The following SFRP1 variants were observed in gnomAD, a reference collection of about 807,000 sequenced individuals.
SFRP1 encodes secreted frizzled-related protein 1.
SFRP1 carries 9 observed loss-of-function variants against 25.9 expected under a neutral mutation model. The observed-to-expected ratio is 0.35, with a 90% CI of 0.21 to 0.61. SFRP1 has a LOEUF of 0.61. Among genes scored for constraint, SFRP1 ranks in the 20% least tolerant of loss-of-function variants. The pLI is 0.78. For missense variants in SFRP1, 346 were observed against 418.2 expected (o/e 0.83, Z 1.51); for synonymous variants, 178 against 174.0 (o/e 1.02, Z -0.18).
chr8:41,309,011 C>T lies in SFRP1; in HGVS notation c.149G>A (p.Arg50His), dbSNP rs771249090. The change falls in exon 1 of 3, where the codon CGC becomes CAC. Residue 50 changes from arginine to histidine, a missense_variant. Coordinates refer to ENST00000220772, the MANE Select transcript of SFRP1 (RefSeq NM_003012.5). The part of the protein sequence containing the change: ...QSDIGPYQSG[R>H]FYTKPPQCVD... Reference sequence around the variant, plus strand: ...GCACTGAGGTGGCTTGGTGTAGAAGCGCCCGCTCTGGTACGGGCCGATGTC... The same window carrying T: ...GCACTGAGGTGGCTTGGTGTAGAAGTGCCCGCTCTGGTACGGGCCGATGTC... 36 of 1,611,818 alleles carry T rather than the reference C, an allele frequency of 2.2e-5. No homozygotes were observed. In the South Asian group the frequency reaches 3.7e-4, roughly 17 times the overall value.
At chr8:41,290,886 CTTTTTTTTT>C (rs561965318) in intron 2 of SFRP1, among the ~76,000 whole-genome samples, 3 of 53,872 alleles carry the variant, frequency 5.6e-5, no homozygotes, top group African/African-American at 6.1e-5. Flanking sequence ...TCTTCCTCGT[CTTTTTTTTT>C]TTTTTTTTTT....
chr8:41,302,620 T>C (rs891697052), intron 2 of SFRP1, among the ~76,000 whole-genome samples: 2 of 152,176 alleles, frequency 1.3e-5, no homozygotes, highest in African/African-American at 4.8e-5. Context: ...TCTGCATCCA[T>C]GTCAGATAGA....
chr8:41,299,315 T>C (rs1026579017), intron 2 of SFRP1, among the ~76,000 whole-genome samples: 1 of 151,860 alleles, frequency 6.6e-6, no homozygotes, highest in Non-Finnish European at 1.5e-5. Flanking sequence ...ATCAATTCCA[T>C]CCCCAGAGTA....
Position 41,270,913 on chromosome 8 carries a change from G to A in SFRP1, c.623-5424C>T, listed in dbSNP as rs182841252. 555 of 152,322 alleles carry A rather than the reference G, an allele frequency of 3.6e-3. 4 individuals carry two copies. The highest frequency in any genetic ancestry group is 4.5e-3 in the Non-Finnish European group (309 of 68,056). The allele number at this position is 152,322 out of a possible 1,614,324, so 9.4% of individuals were successfully genotyped here. A position where few individuals can be genotyped will look rare whatever the true frequency, so the allele number is the denominator to read the frequency against. On this transcript the variant is annotated intron_variant, in intron 2 of 2. Coordinates refer to ENST00000220772, the MANE Select transcript of SFRP1 (RefSeq NM_003012.5). ...GCCGCTGGGGTATACTAGACACAGA[G>A]GAGGACCGGACAGGTGCTGCTGCGT...
Position 41,282,780 on chromosome 8 carries a change from C to T in SFRP1, c.623-17291G>A, listed in dbSNP as rs555131406. Among the ~76,000 whole-genome samples, 4 of 152,122 alleles carry T rather than the reference C, an allele frequency of 2.6e-5. No homozygotes were observed. The South Asian group carries it at 6.2e-4, about 24-fold the overall frequency. ...ACAAATATATGTACAGAGTTATATA[C>T]ATGTTTAGGTTTTATTCATCCATTC... is the stretch of plus-strand genomic sequence containing the variant. On this transcript the variant is annotated intron_variant, in intron 2 of 2. Coordinates refer to ENST00000220772, the MANE Select transcript of SFRP1 (RefSeq NM_003012.5).
chr8:41,267,404 T>A (rs981307037), intron 2 of SFRP1, among the ~76,000 whole-genome samples: 3 of 152,188 alleles, frequency 2.0e-5, no homozygotes, highest in Admixed American at 1.3e-4. Context: ...AACTCCCCTT[T>A]AAGACTGGTC....
chr8:41,306,704 T>C (rs771080120), intron 1 of SFRP1: 1 of 1,596,726 alleles, frequency 6.3e-7, no homozygotes, highest in South Asian at 1.1e-5. Context: ...CAAAGACCTG[T>C]CTTGGGAGGG....
chr8:41,297,694 G>A (rs1426447470), intron 2 of SFRP1, among the ~76,000 whole-genome samples: 1 of 152,066 alleles, frequency 6.6e-6, no homozygotes, highest in East Asian at 1.9e-4. Context: ...AGACTTTCTG[G>A]TGGTCGCTTA....
rs192528108 is a variant in SFRP1 at position 41,266,750 on chromosome 8, T to G, written c.623-1261A>C. On this transcript the variant is annotated intron_variant, in intron 2 of 2. Coordinates refer to ENST00000220772, the MANE Select transcript of SFRP1 (RefSeq NM_003012.5). Reference sequence around the variant, plus strand: ...ATGAGGGTTTCTTTTTGTTTGGTTTTGTTTTGAAGAGCAAGTTATTGGTTT... The same window carrying G: ...ATGAGGGTTTCTTTTTGTTTGGTTTGGTTTTGAAGAGCAAGTTATTGGTTT... 3.3e-5 allele frequency among the ~76,000 whole-genome samples: 5 copies of G among 152,310 alleles called. No individual in the cohort carries two copies. In the East Asian group the frequency reaches 9.6e-4, roughly 29 times the overall value.
At position 41,264,978 on chromosome 8, in the gene SFRP1, C is replaced by A. The variant is rs1331448922; in HGVS notation, c.*189G>T. 1 of 565,522 alleles carries A rather than the reference C, an allele frequency of 1.8e-6. No homozygotes were observed. The highest frequency in any genetic ancestry group is 2.9e-5 in the East Asian group (1 of 34,860). 35.0% of individuals were successfully genotyped at this position (565,522 alleles called of 1,614,324 possible). A position where few individuals can be genotyped will look rare whatever the true frequency, so the allele number is the denominator to read the frequency against. On this transcript the variant is annotated 3_prime_UTR_variant, in exon 3 of 3. Transcript: ENST00000220772. ...TGGCCCTTGCTTTACCCGGCCATGG[C>A]TACCCTGGGGTTTGGAGCGTGGCTA...
chr8:41,265,342 G>A lies in SFRP1; in HGVS notation c.770C>T (p.Pro257Leu), dbSNP rs1255052319. The A allele has an allele frequency of 1.2e-6, 2 of 1,613,954 alleles. No homozygotes were observed. The highest frequency in any genetic ancestry group is 1.3e-5 in the African/African-American group (1 of 74,872). Residue 257 changes from proline to leucine, a missense_variant, in exon 3 of 3, where the codon CCC becomes CTC. Transcript: ENST00000220772. Reference protein sequence around the residue: ...VLYLKNGADCPCHQLDNLSHH... With the variant: ...VLYLKNGADCLCHQLDNLSHH... The stretch of plus-strand genomic sequence containing the variant: ...GCTGAGGTTGTCCAGCTGGTGGCAG[G>A]GACAGTCAGCCCCATTCTTCAGGTA...
At position 41,264,954 on chromosome 8, in the gene SFRP1, G is replaced by A; in HGVS notation, c.*213C>T. 1.9e-6 allele frequency: 1 copy of A among 535,402 alleles called. No individual in the cohort carries two copies. Among genetic ancestry groups the A allele is most frequent in the Non-Finnish European group, 3.3e-6 (1 of 303,670 alleles). 33.2% of individuals were successfully genotyped at this position (535,402 alleles called of 1,614,324 possible). A position where few individuals can be genotyped will look rare whatever the true frequency, so the allele number is the denominator to read the frequency against. On this transcript the variant is annotated 3_prime_UTR_variant, in exon 3 of 3. Coordinates refer to ENST00000220772, the MANE Select transcript of SFRP1 (RefSeq NM_003012.5). The stretch of plus-strand genomic sequence containing the variant: ...TCTTAAAAACCTTCCTAATCTAAAT[G>A]GCCCTTGCTTTACCCGGCCATGGCT...
chr8:41,307,537 G>A (rs915481057), intron 1 of SFRP1, among the ~76,000 whole-genome samples: 8 of 152,150 alleles, frequency 5.3e-5, no homozygotes, highest in African/African-American at 1.7e-4. Flanking sequence ...TCCTCAAAAA[G>A]CCCTCAGGAA....
chr8:41,265,161 G>C lies in SFRP1; in HGVS notation c.*6C>G, dbSNP rs906037459. 12 of 644,478 alleles carry C rather than the reference G, an allele frequency of 1.9e-5. No individual in the cohort carries two copies. The highest frequency in any genetic ancestry group is 2.8e-5 in the Non-Finnish European group (12 of 427,190). The allele number at this position is 644,478 out of a possible 1,614,324, so 39.9% of individuals were successfully genotyped here. A position where few individuals can be genotyped will look rare whatever the true frequency, so the allele number is the denominator to read the frequency against. Reference sequence around the variant, plus strand: ...AGGCTCCCTCCCCACCCTGCCCCCGGGAGAATCACTTAAACACGGACTGAA... The same window carrying C: ...AGGCTCCCTCCCCACCCTGCCCCCGCGAGAATCACTTAAACACGGACTGAA... On this transcript the variant is annotated 3_prime_UTR_variant, in exon 3 of 3. Transcript: ENST00000220772.
intron 2 of SFRP1, among the ~76,000 whole-genome samples, chr8:41,278,951 C>T (rs1182585859): frequency 6.6e-6 from 1 of 152,128 alleles, no homozygotes; most frequent in Non-Finnish European, 1.5e-5. Flanking sequence ...GGGTGCAGGT[C>T]ACCTGTGCTT....
Position 41,265,119 on chromosome 8 carries a change from CGCTCCCACCCCA to C in SFRP1, c.*36_*47del. 1 of 464,792 alleles carries C rather than the reference CGCTCCCACCCCA, an allele frequency of 2.2e-6. No individual in the cohort carries two copies. Among genetic ancestry groups the C allele is most frequent in the East Asian group, 4.6e-5 (1 of 21,888 alleles). The allele number at this position is 464,792 out of a possible 1,614,324, so 28.8% of individuals were successfully genotyped here. On this transcript the variant is annotated 3_prime_UTR_variant, in exon 3 of 3. Transcript: ENST00000220772. ...CGGGTTCCCGGGGCACTGTCCCCCC[CGCTCCCACCCCA>C]CCCGAGGCTCCCTCCCCACCCTGCC...
At chr8:41,308,569 G>C in intron 1 of SFRP1, 47 bp downstream of exon 1, 1 of 1,451,598 alleles carries the variant, frequency 6.9e-7, no homozygotes, top group Non-Finnish European at 9.3e-7. Flanking sequence ...AGCTCCGGCC[G>C]GGGGATGGAG....
intron 1 of SFRP1, 74 bp from the exon 2 acceptor site, chr8:41,303,612 C>T (rs1311187759): frequency 1.4e-5 from 17 of 1,221,666 alleles, no homozygotes; most frequent in Admixed American, 1.8e-5. Context: ...GGGAAAAGAT[C>T]GGCCCTGGGT....
In SFRP1 at chr8:41,309,188, G is replaced by A. The variant is rs1585525670; in HGVS notation, c.-29C>T. ...GGCTCTGCGCCCTGTTCTCCGCGAC[G>A]TCGGGGCTGCCTCCGCCGCCTCCCC... On this transcript the variant is annotated 5_prime_UTR_variant, in exon 1 of 3. The change creates a new upstream start codon in the 5' untranslated region. Coordinates refer to ENST00000220772, the MANE Select transcript of SFRP1 (RefSeq NM_003012.5). The A allele has an allele frequency of 3.1e-6, 4 of 1,289,212 alleles. No homozygotes were observed. The highest frequency in any genetic ancestry group is 6.3e-5 in the East Asian group (2 of 31,580). The allele number at this position is 1,289,212 out of a possible 1,614,324, so 79.9% of individuals were successfully genotyped here. A position where few individuals can be genotyped will look rare whatever the true frequency, so the allele number is the denominator to read the frequency against.
Sources: allele counts gnomAD v4.1 joint callset (sites outside exome capture counted in the v4.1 genomes callset), GRCh38; gene constraint gnomAD v4.1.1; transcripts MANE v1.5; gene names NCBI Gene and HGNC (gene_info 2026-07-23, HGNC 2026-07-21).